Variants in GALNT11 observed in about 807,000 individuals in gnomAD.
GALNT11 encodes UDP-GalNAc:polypeptide N-acetylgalactosaminyltransferase 11.
GALNT11 carries 47 observed loss-of-function variants against 72.7 expected under a neutral mutation model. That is an observed-to-expected ratio of 0.65 (90% confidence interval 0.51 to 0.82). The LOEUF is 0.82. Ranked by LOEUF, GALNT11 falls within the 40% of genes least tolerant of loss-of-function variation. The probability of loss-of-function intolerance (pLI) is 0.00; values close to 1 mark genes in which losing one functional copy is unlikely to be tolerated. For synonymous variants in GALNT11, 270 were observed against 286.6 expected (o/e 0.94, Z 0.58); for missense variants, 677 against 778.4 (o/e 0.87, Z 1.55).
chr7:152,115,071 C>T (rs1408086237), intron 8 of GALNT11, among the ~76,000 whole-genome samples: 1 of 152,180 alleles, frequency 6.6e-6, no homozygotes, highest in Non-Finnish European at 1.5e-5. Context: ...TTTATCTCCC[C>T]TCTCCCTCCT....
chr7:152,084,832 CA>C (rs2085543003), intron 1 of GALNT11, among the ~76,000 whole-genome samples: 1 of 152,160 alleles, frequency 6.6e-6, no homozygotes, highest in Non-Finnish European at 1.5e-5. Context: ...TCTCTGTCCT[CA>C]GGGGGCTTGT....
intron 2 of GALNT11, among the ~76,000 whole-genome samples, chr7:152,100,218 T>A (rs549855533): frequency 2.6e-4 from 39 of 152,050 alleles, no homozygotes; most frequent in East Asian, 2.5e-3. Context: ...ATTATAAAAA[T>A]TTTTTTCCTG....
At chr7:152,061,282 G>A (rs1422666803) in intron 1 of GALNT11, among the ~76,000 whole-genome samples, 1 of 152,190 alleles carries the variant, frequency 6.6e-6, no homozygotes, top group East Asian at 1.9e-4. Flanking sequence ...CTTTTGAGAA[G>A]TGTCTGTTCA....
chr7:152,066,229 C>T (rs749681429), intron 1 of GALNT11, among the ~76,000 whole-genome samples: 2 of 152,158 alleles, frequency 1.3e-5, no homozygotes, highest in Non-Finnish European at 2.9e-5. Context: ...GCGTGGGACC[C>T]TCCGAGCCAG....
At chr7:152,070,761 AG>A (rs1376275568) in intron 1 of GALNT11, among the ~76,000 whole-genome samples, 1 of 152,168 alleles carries the variant, frequency 6.6e-6, no homozygotes, top group African/African-American at 2.4e-5. Context: ...TACATTTCTG[AG>A]GGGACCATTA....
intron 1 of GALNT11, among the ~76,000 whole-genome samples, chr7:152,031,921 C>G (rs1364463845): frequency 6.6e-6 from 1 of 152,144 alleles, no homozygotes; most frequent in Non-Finnish European, 1.5e-5. Context: ...TTTGAAGGAA[C>G]CCCCACAACT....
In GALNT11 at chr7:152,083,010, C is replaced by T. The variant is rs540600038; in HGVS notation, c.-38-11180C>T. On this transcript the variant is annotated intron_variant, in intron 1 of 11. Transcript: ENST00000430044. ...AATCTCTATTTGAGATTGTGGCTCA[C>T]AGACCCTAAGGTGACCCCCAGTAAT... Among the ~76,000 whole-genome samples the T allele has an allele frequency of 2.0e-5, 3 of 152,168 alleles. No individual in the cohort carries two copies. In the East Asian group the frequency reaches 5.8e-4, roughly 29 times the overall value.
intron 1 of GALNT11, among the ~76,000 whole-genome samples, chr7:152,047,559 T>C (rs1180000303): frequency 6.6e-6 from 1 of 151,742 alleles, no homozygotes; most frequent in Non-Finnish European, 1.5e-5. Flanking sequence ...TAACCAGGCA[T>C]GTTAGTGCAC....
At chr7:152,076,646 T>C (rs1461743360) in intron 1 of GALNT11, among the ~76,000 whole-genome samples, 1 of 152,192 alleles carries the variant, frequency 6.6e-6, no homozygotes, top group Non-Finnish European at 1.5e-5. Flanking sequence ...CATTCCCCTG[T>C]AGTTTGGGCC....
Position 152,094,143 on chromosome 7 carries a change from G to T in GALNT11, c.-38-47G>T. 2 of 1,449,450 alleles carry T rather than the reference G, an allele frequency of 1.4e-6. No individual in the cohort carries two copies. Among genetic ancestry groups the T allele is most frequent in the African/African-American group, 2.8e-5 (2 of 70,396 alleles). The allele number at this position is 1,449,450 out of a possible 1,614,324, so 89.8% of individuals were successfully genotyped here. ...ACAGTGATTCTGTATTTGGTGGATGGTTTAAAGTATACTGAAGTGTCTAAC... is the reference window on the plus strand; with the variant it reads ...ACAGTGATTCTGTATTTGGTGGATGTTTTAAAGTATACTGAAGTGTCTAAC... On this transcript the variant is annotated intron_variant, in intron 1 of 11. Coordinates refer to ENST00000430044, the MANE Select transcript of GALNT11 (RefSeq NM_022087.4). This position sits in a 1 kb window ranked among gnomAD's most constrained non-coding sequence, Gnocchi z 4.3.
At chr7:152,119,161 G>A (rs981974668) in intron 10 of GALNT11, 2 of 155,324 alleles carry the variant, frequency 1.3e-5, no homozygotes, top group African/African-American at 4.8e-5. Flanking sequence ...CTAATATTAT[G>A]CGGAATAAAT....
At position 152,092,680 on chromosome 7, in the gene GALNT11, C is replaced by T. The variant is rs1050848363; in HGVS notation, c.-38-1510C>T. Among the ~76,000 whole-genome samples, 3 of 152,312 alleles carry T rather than the reference C, an allele frequency of 2.0e-5. No individual in the cohort carries two copies. In the South Asian group the frequency reaches 6.2e-4, roughly 32 times the overall value. ...CTTGTACAAGAGAACCTAATTTTTA[C>T]AGTGGTGCTTTACTGATGCCAGTTT... is the stretch of plus-strand genomic sequence containing the variant. On this transcript the variant is annotated intron_variant, in intron 1 of 11. Coordinates refer to ENST00000430044, the MANE Select transcript of GALNT11 (RefSeq NM_022087.4).
intron 1 of GALNT11, among the ~76,000 whole-genome samples, chr7:152,043,120 A>C (rs552709399): frequency 6.6e-6 from 1 of 152,210 alleles, no homozygotes; most frequent in Admixed American, 6.5e-5. Flanking sequence ...CGGCACAATT[A>C]GGAGCTGTGC....
chr7:152,047,085 A>G (rs925058019), intron 1 of GALNT11, among the ~76,000 whole-genome samples: 26 of 152,200 alleles, frequency 1.7e-4, no homozygotes, highest in African/African-American at 6.0e-4. Flanking sequence ...ACTAATAAAA[A>G]CTACATGTTG....
chr7:152,099,702 C>T (rs1396969327), intron 2 of GALNT11, among the ~76,000 whole-genome samples: 2 of 146,490 alleles, frequency 1.4e-5, no homozygotes, highest in Non-Finnish European at 3.0e-5. Context: ...ATTACAGTGA[C>T]TTTGATTAGG....
intron 1 of GALNT11, among the ~76,000 whole-genome samples, chr7:152,035,043 AG>A (rs1158545568): frequency 6.6e-6 from 1 of 152,098 alleles, no homozygotes; most frequent in Non-Finnish European, 1.5e-5. Flanking sequence ...GAGGGAGGGG[AG>A]GGATCTCCAG....
chr7:152,070,155 C>T (rs2084551234), intron 1 of GALNT11, among the ~76,000 whole-genome samples: 2 of 151,968 alleles, frequency 1.3e-5, no homozygotes, highest in African/African-American at 2.4e-5. Context: ...CGCCACCACG[C>T]CCAGCTAATT....
rs1385106111 is a variant in GALNT11 at position 152,100,799 on chromosome 7, T to C, written c.297T>C (p.Gly99=). 2.4e-5 allele frequency: 39 copies of C among 1,613,324 alleles called. No homozygotes were observed. The highest frequency in any genetic ancestry group is 3.3e-5 in the Non-Finnish European group (39 of 1,179,804). Residue 99 remains glycine, a splice_region_variant and synonymous_variant, in exon 3 of 12, where the codon GGT becomes GGC. Coordinates refer to ENST00000430044, the MANE Select transcript of GALNT11 (RefSeq NM_022087.4). The part of the protein sequence containing the change: ...EGHLKFSSEL[G]MIFNERDQEL... ...CTGACTAACTTCACTCTTTTGCAGGTATGATTTTTAATGAACGCGATCAAG... is the reference window on the plus strand; with the variant it reads ...CTGACTAACTTCACTCTTTTGCAGGCATGATTTTTAATGAACGCGATCAAG...
chr7:152,073,104 G>A (rs191119361), intron 1 of GALNT11, among the ~76,000 whole-genome samples: 188 of 152,278 alleles, frequency 1.2e-3, no homozygotes, highest in Middle Eastern at 3.4e-3. Context: ...TCAGATCAGA[G>A]TAATTAGCAT....
Sources: allele counts gnomAD v4.1 joint callset (sites outside exome capture counted in the v4.1 genomes callset), GRCh38; gene constraint gnomAD v4.1.1; non-coding constraint Gnocchi (gnomAD v3.1); transcripts MANE v1.5; gene names NCBI Gene and HGNC (gene_info 2026-07-23, HGNC 2026-07-21).